RBFOX3: variants seen among roughly 807,000 people sequenced by gnomAD.
The protein encoded by RBFOX3 is RNA binding protein fox-1 homolog 3.
RBFOX3 carries 17 observed loss-of-function variants against 48.7 expected under a neutral mutation model. The ratio of observed to expected loss-of-function variants is 0.35; its 90% CI spans 0.24 to 0.52. The LOEUF (loss-of-function observed/expected upper bound fraction) is 0.52. RBFOX3 is among the 20% of genes least tolerant of loss of function. The pLI is 0.94. For synonymous variants in RBFOX3, 212 were observed against 209.5 expected (o/e 1.01, Z -0.10); for missense variants, 382 against 497.5 (o/e 0.77, Z 2.21).
chr17:79,488,026 G>T (rs1016010938), intron 1 of RBFOX3, among the ~76,000 whole-genome samples: 1 of 151,964 alleles, frequency 6.6e-6, no homozygotes, highest in African/African-American at 2.4e-5. Context: ...AGAGGTGGGG[G>T]TGAGGTGGAA....
chr17:79,156,296 C>G (rs1245182722), intron 4 of RBFOX3, among the ~76,000 whole-genome samples: 1 of 152,210 alleles, frequency 6.6e-6, no homozygotes. Flanking sequence ...CACCCCAGTC[C>G]TCCATTCTTC....
At chr17:79,231,556 T>C (rs779769021) in intron 4 of RBFOX3, among the ~76,000 whole-genome samples, 6 of 152,104 alleles carry the variant, frequency 3.9e-5, no homozygotes, top group Non-Finnish European at 7.4e-5. Flanking sequence ...TCTGACGGAA[T>C]TGACACAAAA....
At position 79,390,946 on chromosome 17, in the gene RBFOX3, T is replaced by A. The variant is rs985828341; in HGVS notation, c.-174-83122A>T. Among the ~76,000 whole-genome samples the A allele has an allele frequency of 2.6e-5, 4 of 152,156 alleles. No individual in the cohort carries two copies. The highest frequency in any genetic ancestry group is 9.7e-5 in the African/African-American group (4 of 41,440). ...GTTCCTGGACCCACCCAAAGCCAGCTCTGCTTCTCCCTTCTCTCTTCCCGC... is the reference window on the plus strand; with the variant it reads ...GTTCCTGGACCCACCCAAAGCCAGCACTGCTTCTCCCTTCTCTCTTCCCGC... On this transcript the variant is annotated intron_variant, in intron 2 of 14. Coordinates refer to ENST00000693108, the MANE Select transcript of RBFOX3 (RefSeq NM_001350451.2). This position sits in a 1 kb window ranked among gnomAD's most constrained non-coding sequence, Gnocchi z 4.2.
intron 4 of RBFOX3, among the ~76,000 whole-genome samples, chr17:79,208,155 C>T (rs986950863): frequency 6.6e-6 from 1 of 152,136 alleles, no homozygotes; most frequent in African/African-American, 2.4e-5. Context: ...CACAACCAAG[C>T]GGATACAGCA....
chr17:79,536,473 C>T (rs139839140), intron 1 of RBFOX3, among the ~76,000 whole-genome samples: 318 of 152,380 alleles, frequency 2.1e-3, no homozygotes, highest in East Asian at 0.018. Context: ...GAAGCCTGAA[C>T]ATCTGTAAAT....
At chr17:79,211,820 G>A (rs1412267148) in intron 4 of RBFOX3, among the ~76,000 whole-genome samples, 3 of 152,156 alleles carry the variant, frequency 2.0e-5, no homozygotes, top group Admixed American at 6.5e-5. Context: ...CAACCACAAC[G>A]CTTTGCCCTG....
chr17:79,095,508 C>T lies in RBFOX3; in HGVS notation c.998+5G>A, dbSNP rs531178788. On this transcript the variant is annotated splice_donor_5th_base_variant and intron_variant, in intron 13 of 14. Transcript: ENST00000693108. ...CTCCAGAACAGTGCTGGCCCCCGGC[C>T]TCACCTGTCGCTGTAGGCTGCCGCC... 6.4e-7 allele frequency: 1 copy of T among 1,551,244 alleles called. No homozygotes were observed. The highest frequency in any genetic ancestry group is 1.2e-5 in the South Asian group (1 of 83,994).
Position 79,195,604 on chromosome 17 carries a change from G to A in RBFOX3, c.-34+40162C>T, listed in dbSNP as rs2055423582. On this transcript the variant is annotated intron_variant, in intron 4 of 14. Coordinates refer to ENST00000693108, the MANE Select transcript of RBFOX3 (RefSeq NM_001350451.2). This position sits in a 1 kb window ranked among gnomAD's most constrained non-coding sequence, Gnocchi z 5.3. ...CTGCTCTATCCTGATATCTGAGACT[G>A]GGGCCTCCTTATTTTGTCCTACCAT... 6.6e-6 allele frequency among the ~76,000 whole-genome samples: 1 copy of A among 152,184 alleles called. No homozygotes were observed. The highest frequency in any genetic ancestry group is 2.1e-4 in the South Asian group (1 of 4,832).
At position 79,236,364 on chromosome 17, in the gene RBFOX3, C is replaced by T. The variant is rs139872871; in HGVS notation, c.-73-559G>A. 7.9e-3 allele frequency among the ~76,000 whole-genome samples: 1,201 copies of T among 152,200 alleles called. 21 individuals are homozygous for T. Among genetic ancestry groups the T allele is most frequent in the African/African-American group, 0.027 (1,127 of 41,516 alleles). The stretch of plus-strand genomic sequence containing the variant: ...AATGCAATGGTGCGATCTTGGCTCA[C>T]TGCAACCTCCGCCTCCTGGGTTCGA... On this transcript the variant is annotated intron_variant, in intron 3 of 14. Coordinates refer to ENST00000693108, the MANE Select transcript of RBFOX3 (RefSeq NM_001350451.2).
At chr17:79,520,420 A>T (rs990398249) in intron 1 of RBFOX3, among the ~76,000 whole-genome samples, 1 of 152,116 alleles carries the variant, frequency 6.6e-6, no homozygotes, top group Non-Finnish European at 1.5e-5. Flanking sequence ...GCTGCAGCTG[A>T]GCGAGCTGCC....
intron 1 of RBFOX3, among the ~76,000 whole-genome samples, chr17:79,516,792 C>T (rs1219832109): frequency 2.0e-5 from 3 of 152,214 alleles, no homozygotes; most frequent in African/African-American, 4.8e-5. Context: ...TGCGCTGGAA[C>T]GATCCCTGCC....
At chr17:79,272,412 C>A (rs1290043511) in intron 3 of RBFOX3, among the ~76,000 whole-genome samples, 1 of 152,212 alleles carries the variant, frequency 6.6e-6, no homozygotes, top group African/African-American at 2.4e-5. Flanking sequence ...CTTAAAATCA[C>A]AAGATAACGG....
chr17:79,569,802 A>T (rs1164031582), intron 1 of RBFOX3, among the ~76,000 whole-genome samples: 1 of 152,244 alleles, frequency 6.6e-6, no homozygotes, highest in Non-Finnish European at 1.5e-5. Flanking sequence ...TGGATGGTGT[A>T]TGAACAGATG....
At position 79,424,979 on chromosome 17, in the gene RBFOX3, G is replaced by A. The variant is rs140181042; in HGVS notation, c.-175+57475C>T. On this transcript the variant is annotated intron_variant, in intron 2 of 14. Transcript: ENST00000693108. The stretch of plus-strand genomic sequence containing the variant: ...CACCCTGGGCCAGCCCCACCCTGTC[G>A]CCCGATGGCTTGCTGTTTAACATGT... 3.4e-3 allele frequency among the ~76,000 whole-genome samples: 519 copies of A among 152,170 alleles called. 5 individuals carry two copies. The highest frequency in any genetic ancestry group is 0.012 in the African/African-American group (478 of 41,520).
intron 4 of RBFOX3, among the ~76,000 whole-genome samples, chr17:79,225,732 G>A (rs1350356906): frequency 6.6e-6 from 1 of 152,202 alleles, no homozygotes; most frequent in Non-Finnish European, 1.5e-5. Flanking sequence ...GGGGTACTGG[G>A]TCCCTTCTGC....
intron 1 of RBFOX3, among the ~76,000 whole-genome samples, chr17:79,494,876 C>T (rs1286113819): frequency 6.6e-6 from 1 of 152,202 alleles, no homozygotes; most frequent in Non-Finnish European, 1.5e-5. Context: ...CCAACAGAGG[C>T]ACAAGAGGAC....
In RBFOX3 at chr17:79,280,590, C is replaced by T. The variant is rs572788879; in HGVS notation, c.-74+27134G>A. The stretch of plus-strand genomic sequence containing the variant: ...TCGGAGTGAGCTCAGGTTCCCATAA[C>T]GCCTTTGAGGAGAACACGCTGATTC... On this transcript the variant is annotated intron_variant, in intron 3 of 14. Coordinates refer to ENST00000693108, the MANE Select transcript of RBFOX3 (RefSeq NM_001350451.2). Among the ~76,000 whole-genome samples the T allele has an allele frequency of 9.2e-5, 14 of 152,258 alleles. No individual in the cohort carries two copies. In the South Asian group the frequency reaches 2.7e-3, roughly 29 times the overall value.
In RBFOX3 at chr17:79,587,943, G is replaced by C. The variant is rs931420385; in HGVS notation, c.-320+22883C>G. ...CCTTGAACTCCTGGGCTCAAGCAAT[G>C]CTCCCACCTCAGCTTCCTGAATAGC... On this transcript the variant is annotated intron_variant, in intron 1 of 14. Transcript: ENST00000693108. Among the ~76,000 whole-genome samples the C allele has an allele frequency of 1.2e-3, 176 of 152,270 alleles. 3 individuals carry two copies. In the South Asian group the frequency reaches 0.019, roughly 16 times the overall value.
At chr17:79,373,269 C>G (rs2058796063) in intron 2 of RBFOX3, among the ~76,000 whole-genome samples, 1 of 152,172 alleles carries the variant, frequency 6.6e-6, no homozygotes, top group Non-Finnish European at 1.5e-5. Flanking sequence ...ACATACTCAA[C>G]TCCAGCTCCT....
Sources: gnomAD v4.1 joint callset for allele counts (sites outside exome capture counted in the v4.1 genomes callset) on GRCh38, gnomAD v4.1.1 for gene constraint, Gnocchi (gnomAD v3.1) non-coding constraint, MANE v1.5 for transcripts, NCBI Gene and HGNC (gene_info 2026-07-23, HGNC 2026-07-21) for gene names.